The following PSMB1 variants were observed in gnomAD, a reference collection of about 807,000 sequenced individuals.
PSMB1 encodes the protein proteasome 20S subunit beta 1, also known as proteasome subunit beta type-1.
PSMB1 carries 7 observed loss-of-function variants against 25.4 expected under a neutral mutation model. That is an observed-to-expected ratio of 0.28 (90% CI 0.16 to 0.52). The LOEUF is 0.52. Among genes scored for constraint, PSMB1 ranks in the 20% least tolerant of loss-of-function variants. The pLI is 0.97. For missense variants in PSMB1, 284 were observed against 302.2 expected, an observed-to-expected ratio of 0.94 and a Z score of 0.45; for synonymous variants, 119 against 115.0, an observed-to-expected ratio of 1.03 and a Z score of -0.22.
chr6:170,535,337 C>A lies in PSMB1; in HGVS notation c.609G>T (p.Val203=). The A allele has an allele frequency of 6.2e-7, 1 of 1,614,198 alleles. No individual in the cohort carries two copies. The highest frequency in any genetic ancestry group is 8.5e-7 in the Non-Finnish European group (1 of 1,180,026). ...CAGCCGCAGAAATGAAGACATCTTT[C>A]ACCAGCCGCATGGCTCTGTCCAAGG... ...PLSLDRAMRL[V]KDVFISAAER... is the part of the protein sequence containing the mutation. Residue 203 remains valine, a synonymous_variant, in exon 6 of 6, where the codon GTG becomes GTT. Coordinates refer to ENST00000262193, the MANE Select transcript of PSMB1 (RefSeq NM_002793.4).
chr6:170,550,053 G>C (rs1394291471), intron 1 of PSMB1: 1 of 152,176 alleles, frequency 6.6e-6, no homozygotes, highest in African/African-American at 2.4e-5. Context: ...ATATATTTGG[G>C]TGTGTATATT....
intron 2 of PSMB1, among the ~76,000 whole-genome samples, chr6:170,547,491 C>T (rs565637051): frequency 2.6e-5 from 4 of 152,306 alleles, no homozygotes; most frequent in African/African-American, 9.6e-5. Flanking sequence ...ACGAATGACT[C>T]GCACAAACCA....
In PSMB1 at chr6:170,546,179, T is replaced by C; in HGVS notation, c.227A>G (p.Asp76Gly). 4 of 1,613,848 alleles carry C rather than the reference T, an allele frequency of 2.5e-6. No individual in the cohort carries two copies. Among genetic ancestry groups the C allele is most frequent in the African/African-American group, 2.7e-5 (2 of 75,062 alleles). ...RDSPKCYKLT[D>G]KTVIGCSGFH... ...ACCGCTGCATCCAATGACTGTTTTG[T>C]CTGTTCTGTAAAAAGCACATTTCAG... is the stretch of plus-strand genomic sequence containing the variant. The change falls in exon 3 of 6, where the codon GAC (aspartate) becomes GGC (glycine). Residue 76 changes from aspartate to glycine, a missense_variant. Coordinates refer to ENST00000262193, the MANE Select transcript of PSMB1 (RefSeq NM_002793.4).
At chr6:170,542,764 G>C (rs903000439) in intron 4 of PSMB1, among the ~76,000 whole-genome samples, 1 of 152,274 alleles carries the variant, frequency 6.6e-6, no homozygotes, top group East Asian at 1.9e-4. Flanking sequence ...TACTTTTAGG[G>C]CAACTTCAGC....
chr6:170,553,115 C>T lies in PSMB1; in HGVS notation c.113+15G>A. The T allele has an allele frequency of 6.3e-7, 1 of 1,590,630 alleles. No individual in the cohort carries two copies. The highest frequency in any genetic ancestry group is 2.3e-5 in the East Asian group (1 of 44,064). The stretch of plus-strand genomic sequence containing the variant: ...AAGGGCGAAAGTGAAAGCCGCAGCT[C>T]TCTGGGGTTTTTACCCTCCGTTGAA... On this transcript the variant is annotated intron_variant, in intron 1 of 5. Coordinates refer to ENST00000262193, the MANE Select transcript of PSMB1 (RefSeq NM_002793.4).
chr6:170,541,989 G>A (rs1778763536), intron 4 of PSMB1, among the ~76,000 whole-genome samples: 1 of 152,168 alleles, frequency 6.6e-6, no homozygotes, highest in South Asian at 2.1e-4. Flanking sequence ...CAGGCATAAT[G>A]TAAGTCAAAA....
At chr6:170,549,815 T>C (rs1462943351) in intron 1 of PSMB1, 1 of 152,208 alleles carries the variant, frequency 6.6e-6, no homozygotes, top group African/African-American at 2.4e-5. Flanking sequence ...CTCATTAGGG[T>C]GTTCAAAGGA....
chr6:170,550,845 A>C (rs1778885471), intron 1 of PSMB1, among the ~76,000 whole-genome samples: 1 of 144,452 alleles, frequency 6.9e-6, no homozygotes, highest in Non-Finnish European at 1.5e-5. Flanking sequence ...AAGTATTTTA[A>C]AGGAGAGGAG....
chr6:170,536,757 T>C (rs1295421469), intron 5 of PSMB1, among the ~76,000 whole-genome samples: 1 of 152,194 alleles, frequency 6.6e-6, no homozygotes, highest in Non-Finnish European at 1.5e-5. Flanking sequence ...ACAGTAGGCT[T>C]ATTTGTAAGT....
chr6:170,546,078 T>G (rs750010848), intron 3 of PSMB1, 25 bp downstream of exon 3: 2 of 1,577,154 alleles, frequency 1.3e-6, no homozygotes, highest in South Asian at 2.2e-5. Flanking sequence ...TTTAAAATAG[T>G]GTAGAAATGT....
intron 4 of PSMB1, among the ~76,000 whole-genome samples, chr6:170,542,342 T>C (rs959895453): frequency 7.9e-4 from 120 of 152,092 alleles, no homozygotes; most frequent in African/African-American, 2.0e-3. Flanking sequence ...AGCTTGACCC[T>C]TTCCTCTTAG....
At chr6:170,548,697 C>T (rs565069215) in intron 2 of PSMB1, among the ~76,000 whole-genome samples, 1 of 152,096 alleles carries the variant, frequency 6.6e-6, no homozygotes, top group East Asian at 1.9e-4. Context: ...GCAGTGGGTT[C>T]GCTTGCTCTT....
intron 1 of PSMB1, among the ~76,000 whole-genome samples, chr6:170,552,069 T>C (rs1226746031): frequency 3.3e-5 from 5 of 152,200 alleles, no homozygotes; most frequent in African/African-American, 7.2e-5. Flanking sequence ...ATTAACATTT[T>C]TGCTTTGTTT....
At position 170,535,579 on chromosome 6, in the gene PSMB1, C is replaced by T. The variant is rs1288967052; in HGVS notation, c.541-174G>A. Among the ~76,000 whole-genome samples the T allele has an allele frequency of 2.6e-4, 39 of 152,198 alleles. 1 individual carries two copies. Among genetic ancestry groups the T allele is most frequent in the Admixed American group, 2.6e-3 (39 of 15,288 alleles). On this transcript the variant is annotated intron_variant, in intron 5 of 5. Transcript: ENST00000262193. ...CTTCCAGACCTGGATGAATTACACACATCAGAAATCTGACAACGATTCCCT... is the reference window on the plus strand; with the variant it reads ...CTTCCAGACCTGGATGAATTACACATATCAGAAATCTGACAACGATTCCCT...
At position 170,553,183 on chromosome 6, in the gene PSMB1, G is replaced by C; in HGVS notation, c.60C>G (p.His20Gln). Residue 20 changes from histidine to glutamine, a missense_variant, in exon 1 of 6, where the codon CAC (histidine) becomes CAG (glutamine). Coordinates refer to ENST00000262193, the MANE Select transcript of PSMB1 (RefSeq NM_002793.4). Reference sequence around the variant, plus strand: ...GCAGCTGCAAAGGGCCCGCGGCTCTGTGCGGTTCCATCCCCAAGTCTCTGC... The same window carrying C: ...GCAGCTGCAAAGGGCCCGCGGCTCTCTGCGGTTCCATCCCCAAGTCTCTGC... Reference protein sequence around the residue: ...APGRDLGMEPHRAAGPLQLRF... With the variant: ...APGRDLGMEPQRAAGPLQLRF... 1 of 1,613,960 alleles carries C rather than the reference G, an allele frequency of 6.2e-7. No homozygotes were observed. The highest frequency in any genetic ancestry group is 8.5e-7 in the Non-Finnish European group (1 of 1,179,950).
Position 170,553,270 on chromosome 6 carries a change from C to T in PSMB1, c.-28G>A, listed in dbSNP as rs1778943457. The T allele has an allele frequency of 6.5e-7, 1 of 1,546,236 alleles. No homozygotes were observed. Among genetic ancestry groups the T allele is most frequent in the South Asian group, 1.1e-5 (1 of 87,702 alleles). On this transcript the variant is annotated 5_prime_UTR_variant, in exon 1 of 6. It adds an upstream start codon to the 5' untranslated region. Coordinates refer to ENST00000262193, the MANE Select transcript of PSMB1 (RefSeq NM_002793.4). ...CACGGCTGCGCCTGCGGATCCGACA[C>T]TTGCTGTCTCACGGCGAGATGGCTG...
intron 3 of PSMB1, among the ~76,000 whole-genome samples, 157 bp from the exon 4 acceptor site, chr6:170,543,887 T>G (rs1778785371): frequency 1.3e-5 from 2 of 152,144 alleles, no homozygotes; most frequent in African/African-American, 4.8e-5. Flanking sequence ...ATTACTAACA[T>G]AAAATTTTAA....
intron 4 of PSMB1, 32 bp from the exon 5 acceptor site, chr6:170,537,372 G>T: frequency 6.6e-7 from 1 of 1,524,702 alleles, no homozygotes; most frequent in Non-Finnish European, 9.1e-7. Context: ...CATAAGGATG[G>T]TATCCAATCA....
intron 4 of PSMB1, among the ~76,000 whole-genome samples, chr6:170,539,930 T>C (rs1167322740): frequency 6.6e-6 from 1 of 152,358 alleles, no homozygotes; most frequent in Non-Finnish European, 1.5e-5. Context: ...AAAATCATTA[T>C]GCATATAGCT....
Sources: allele counts gnomAD v4.1 joint callset (sites outside exome capture counted in the v4.1 genomes callset), GRCh38; gene constraint gnomAD v4.1.1; transcripts MANE v1.5; gene names NCBI Gene and HGNC (gene_info 2026-07-23, HGNC 2026-07-21).